CORO2B: variants seen among roughly 807,000 people sequenced by gnomAD.
CORO2B encodes the protein coronin 2B, also known as coronin-2B.
A neutral mutation model predicts 58.8 loss-of-function variants in CORO2B; 26 were observed. That is an observed-to-expected ratio of 0.44 (90% confidence interval 0.32 to 0.61). The LOEUF (loss-of-function observed/expected upper bound fraction) is 0.61. CORO2B is among the 20% of genes least tolerant of loss of function. CORO2B has a pLI of 0.04. For missense variants in CORO2B, 460 were observed against 645.1 expected (o/e 0.71, Z 3.11); for synonymous variants, 242 against 253.8 (o/e 0.95, Z 0.44).
At chr15:68,693,645 A>C (rs1596019370) in intron 2 of CORO2B, among the ~76,000 whole-genome samples, 1 of 152,082 alleles carries the variant, frequency 6.6e-6, no homozygotes, top group East Asian at 1.9e-4. Context: ...TTCCACACCC[A>C]TCCACGCCCC....
chr15:68,583,063 G>A (rs1036746773), intron 1 of CORO2B, among the ~76,000 whole-genome samples: 18 of 152,268 alleles, frequency 1.2e-4, no homozygotes, highest in African/African-American at 3.9e-4. Flanking sequence ...TGGGCAGCAC[G>A]ATCAACTGTG....
rs970171554 is a variant in CORO2B at position 68,710,177 on chromosome 15, A to G, written c.334-555A>G. On this transcript the variant is annotated intron_variant, in intron 3 of 11. Coordinates refer to ENST00000261861, the MANE Select transcript of CORO2B (RefSeq NM_006091.5). This position sits in a 1 kb window ranked among gnomAD's most constrained non-coding sequence, Gnocchi z 4.1. ...TGCCCATCCTTTCAGCTCAGGCCCCAACATCTGATCAGTCTCTGCCTTCAA... is the reference window on the plus strand; with the variant it reads ...TGCCCATCCTTTCAGCTCAGGCCCCGACATCTGATCAGTCTCTGCCTTCAA... Among the ~76,000 whole-genome samples the G allele has an allele frequency of 6.6e-6, 1 of 152,194 alleles. No homozygotes were observed. The highest frequency in any genetic ancestry group is 2.4e-5 in the African/African-American group (1 of 41,446).
the CORO2B span, among the ~76,000 whole-genome samples, chr15:68,541,729 C>T: frequency 1.3e-5 from 2 of 152,224 alleles, no homozygotes; most frequent in African/African-American, 4.8e-5. Context: ...GCTTCTGGTG[C>T]TGTTCCTTCT....
chr15:68,565,433 ACT>A, the CORO2B span, among the ~76,000 whole-genome samples: 1 of 151,122 alleles, frequency 6.6e-6, no homozygotes, highest in African/African-American at 2.4e-5. Flanking sequence ...CCCTCCCCTA[ACT>A]CTGACTCATT....
At chr15:68,618,411 G>A (rs976219513) in intron 1 of CORO2B, among the ~76,000 whole-genome samples, 1 of 152,202 alleles carries the variant, frequency 6.6e-6, no homozygotes, top group South Asian at 2.1e-4. Context: ...ATCACAGAAG[G>A]CTCCCAGTTC....
the CORO2B span, among the ~76,000 whole-genome samples, chr15:68,547,059 A>G: frequency 6.6e-6 from 1 of 152,234 alleles, no homozygotes; most frequent in East Asian, 1.9e-4. Flanking sequence ...TGCAGAAATC[A>G]CAGCAAATAA....
chr15:68,613,165 C>T (rs1900279409), intron 1 of CORO2B, among the ~76,000 whole-genome samples: 1 of 152,196 alleles, frequency 6.6e-6, no homozygotes, highest in Admixed American at 6.5e-5. Flanking sequence ...TTGGCCAACA[C>T]TTTATCGCAT....
chr15:68,628,365 C>T (rs1900737703), intron 1 of CORO2B, among the ~76,000 whole-genome samples: 1 of 152,166 alleles, frequency 6.6e-6, no homozygotes, highest in African/African-American at 2.4e-5. Flanking sequence ...TAGTTTCATC[C>T]CCTGTGATAT....
chr15:68,596,995 G>A (rs1044526054), intron 1 of CORO2B, among the ~76,000 whole-genome samples: 6 of 152,100 alleles, frequency 3.9e-5, no homozygotes, highest in East Asian at 1.9e-4. Context: ...GCAGGGCTCC[G>A]CAGAAGTCCT....
chr15:68,630,687 C>T (rs1443504715), intron 1 of CORO2B, among the ~76,000 whole-genome samples: 6 of 152,100 alleles, frequency 3.9e-5, no homozygotes, highest in African/African-American at 1.2e-4. Context: ...CATGGTTTTT[C>T]AAACAAGAGT....
At chr15:68,546,051 C>G in the CORO2B span, among the ~76,000 whole-genome samples, 1 of 152,134 alleles carries the variant, frequency 6.6e-6, no homozygotes, top group Non-Finnish European at 1.5e-5. Flanking sequence ...GGCAGAAAAC[C>G]AACAGTGAGC....
At chr15:68,661,372 G>C (rs904535317) in intron 2 of CORO2B, among the ~76,000 whole-genome samples, 75 of 152,272 alleles carry the variant, frequency 4.9e-4, no homozygotes, top group African/African-American at 1.6e-3. Flanking sequence ...TGAACTCATG[G>C]GGTTCTGGGT....
intron 3 of CORO2B, among the ~76,000 whole-genome samples, chr15:68,699,085 G>A (rs1036578096): frequency 1.3e-5 from 2 of 152,184 alleles, no homozygotes; most frequent in African/African-American, 4.8e-5. Context: ...AGTATATCCG[G>A]TGTGCTTGGC....
At chr15:68,675,564 C>G (rs987164108) in intron 2 of CORO2B, among the ~76,000 whole-genome samples, 4 of 152,064 alleles carry the variant, frequency 2.6e-5, no homozygotes, top group Admixed American at 1.3e-4. Context: ...GACCATGAAC[C>G]CTTCTGAGCC....
intron 1 of CORO2B, among the ~76,000 whole-genome samples, chr15:68,607,939 C>A (rs1900164918): frequency 6.6e-6 from 1 of 152,184 alleles, no homozygotes; most frequent in African/African-American, 2.4e-5. Flanking sequence ...TTATCATCTT[C>A]TTGTCAAAAT....
intron 1 of CORO2B, among the ~76,000 whole-genome samples, chr15:68,619,274 C>A (rs1244497980): frequency 1.3e-5 from 2 of 152,202 alleles, no homozygotes; most frequent in Admixed American, 1.3e-4. Flanking sequence ...AGATCACCTA[C>A]CCTCACTTTC....
rs192332538 is a variant in CORO2B at position 68,632,171 on chromosome 15, C to T, written c.16-12989C>T. 5.2e-4 allele frequency: 515 copies of T among 985,556 alleles called. 4 individuals carry two copies. In the African/African-American group the frequency reaches 8.3e-3, roughly 16 times the overall value. 61.1% of individuals were successfully genotyped at this position (985,556 alleles called of 1,614,324 possible). A position where few individuals can be genotyped will look rare whatever the true frequency, so the allele number is the denominator to read the frequency against. On this transcript the variant is annotated intron_variant, in intron 1 of 11. Coordinates refer to ENST00000261861, the MANE Select transcript of CORO2B (RefSeq NM_006091.5). The stretch of plus-strand genomic sequence containing the variant: ...TGGTGATGTGAGTGCCTCCTGCACC[C>T]GTGGCCCCCATGTGGCATAACTCCT...
At chr15:68,631,901 T>A in intron 1 of CORO2B, 3 of 979,496 alleles carry the variant, frequency 3.1e-6, no homozygotes, top group Non-Finnish European at 3.6e-6. Flanking sequence ...GTAAATAGGC[T>A]GCTGGAATGG....
At chr15:68,690,323 C>T (rs1596016415) in intron 2 of CORO2B, among the ~76,000 whole-genome samples, 1 of 152,224 alleles carries the variant, frequency 6.6e-6, no homozygotes, top group South Asian at 2.1e-4. Flanking sequence ...TCTTGTGACA[C>T]CCCTGCATTT....
Sources: allele counts gnomAD v4.1 joint callset (sites outside exome capture counted in the v4.1 genomes callset), GRCh38; gene constraint gnomAD v4.1.1; non-coding constraint Gnocchi (gnomAD v3.1); transcripts MANE v1.5; gene names NCBI Gene and HGNC (gene_info 2026-07-23, HGNC 2026-07-21).